Variants in DIAPH3 observed in about 807,000 individuals in gnomAD.
DIAPH3 encodes the protein diaphanous related formin 3, also known as protein diaphanous homolog 3.
In DIAPH3, 117 loss-of-function variants were observed where a neutral mutation model predicts 144.3. That is an observed-to-expected ratio of 0.81 (90% CI 0.70 to 0.95). The LOEUF (loss-of-function observed/expected upper bound fraction) is 0.95. Among genes scored for constraint, DIAPH3 ranks in the 40% least tolerant of loss-of-function variants. The pLI is 0.00. For synonymous variants in DIAPH3, 519 were observed against 488.9 expected, an observed-to-expected ratio of 1.06 and a Z score of -0.81; for missense variants, 1,421 against 1,412.7, an observed-to-expected ratio of 1.01 and a Z score of -0.09.
intron 17 of DIAPH3, among the ~76,000 whole-genome samples, chr13:59,954,690 G>A (rs1027782515): frequency 6.6e-6 from 1 of 152,142 alleles, no homozygotes; most frequent in Non-Finnish European, 1.5e-5. Context: ...TCCATAGGCT[G>A]TAGAGAGGGC....
chr13:60,091,105 C>T (rs754331299), intron 4 of DIAPH3, among the ~76,000 whole-genome samples: 4 of 152,176 alleles, frequency 2.6e-5, no homozygotes, highest in African/African-American at 7.2e-5. Context: ...TGTCGTATCT[C>T]TTATAATAAA....
rs114436561 is a variant in DIAPH3, at chr13:59,712,955, C to G, written c.3320-46109G>C. Among the ~76,000 whole-genome samples the G allele has an allele frequency of 9.7e-4, 148 of 152,238 alleles. 1 individual carries two copies. The highest frequency in any genetic ancestry group is 3.4e-3 in the African/African-American group (142 of 41,540). On this transcript the variant is annotated intron_variant, in intron 27 of 27. Transcript: ENST00000400324. The stretch of plus-strand genomic sequence containing the variant: ...TAGTTAGATTTTCATAAAGAATACA[C>G]AACTATATATCTCGCATGCGCAGTT...
chr13:60,065,910 G>C (rs942081783), intron 4 of DIAPH3, among the ~76,000 whole-genome samples: 1 of 151,992 alleles, frequency 6.6e-6, no homozygotes, highest in East Asian at 1.9e-4. Flanking sequence ...TCATTGTTTT[G>C]GATGATATAT....
In DIAPH3 at chr13:59,666,673, T is replaced by C. The variant is rs2032030308; in HGVS notation, c.3493A>G (p.Lys1165Glu). Reference protein sequence around the residue: ...KEACNVESNRKKETELLGSFS... With the variant: ...KEACNVESNREKETELLGSFS... ...GAGCCAAGAAGTTCCGTTTCCTTTT[T>C]TCTGTTGCTTTCTACATTACACGCT... Residue 1165 changes from lysine to glutamate, a missense_variant, in exon 28 of 28, where the codon AAA becomes GAA. Transcript: ENST00000400324. The C allele has an allele frequency of 2.5e-6, 4 of 1,614,068 alleles. No individual in the cohort carries two copies. The highest frequency in any genetic ancestry group is 3.4e-6 in the Non-Finnish European group (4 of 1,180,042).
chr13:60,154,199 C>T (rs1951922891), intron 1 of DIAPH3, among the ~76,000 whole-genome samples: 1 of 152,122 alleles, frequency 6.6e-6, no homozygotes, highest in Non-Finnish European at 1.5e-5. Context: ...ACTATTATTA[C>T]TGTTACTACT....
At chr13:59,862,008 T>TA (rs765028385) in intron 21 of DIAPH3, among the ~76,000 whole-genome samples, 8 of 152,158 alleles carry the variant, frequency 5.3e-5, no homozygotes, top group Non-Finnish European at 1.0e-4. Context: ...AATAGTATAG[T>TA]AAAAATAATC....
chr13:59,809,564 T>C (rs1397827699), intron 25 of DIAPH3, among the ~76,000 whole-genome samples: 1 of 151,730 alleles, frequency 6.6e-6, no homozygotes, highest in African/African-American at 2.4e-5. Flanking sequence ...GGAAGTAATA[T>C]ATTAATTTAA....
intron 20 of DIAPH3, among the ~76,000 whole-genome samples, chr13:59,899,926 A>G (rs1000113104): frequency 4.6e-5 from 7 of 152,234 alleles, no homozygotes; most frequent in Admixed American, 1.3e-4. Context: ...TATTATTCTG[A>G]TCATGCTGGG....
intron 4 of DIAPH3, among the ~76,000 whole-genome samples, chr13:60,043,497 A>G (rs1308997844): frequency 6.6e-6 from 1 of 152,186 alleles, no homozygotes; most frequent in Non-Finnish European, 1.5e-5. Flanking sequence ...AGACCAAAAC[A>G]TAACACACAC....
chr13:60,015,890 A>T (rs765021263), intron 7 of DIAPH3, 23 bp downstream of exon 7: 3 of 1,590,884 alleles, frequency 1.9e-6, no homozygotes, highest in South Asian at 2.2e-5. Context: ...TGACGGACAA[A>T]TACTAATTAC....
At chr13:59,736,960 T>A (rs552907894) in intron 27 of DIAPH3, among the ~76,000 whole-genome samples, 34 of 152,306 alleles carry the variant, frequency 2.2e-4, no homozygotes, top group Non-Finnish European at 4.7e-4. Flanking sequence ...TGCAGAAAAT[T>A]GAAACTGGAC....
At chr13:59,970,093 T>C (rs764351757) in intron 16 of DIAPH3, 35 bp from the exon 17 acceptor site, 1 of 1,308,436 alleles carries the variant, frequency 7.6e-7, no homozygotes, top group Non-Finnish European at 1.1e-6. Flanking sequence ...CATCAATAGG[T>C]GAGTGTTTCA....
At chr13:60,023,934 C>A (rs1480774293) in intron 5 of DIAPH3, among the ~76,000 whole-genome samples, 1 of 130,358 alleles carries the variant, frequency 7.7e-6, no homozygotes, top group Non-Finnish European at 1.5e-5. Context: ...CAGCTCATTG[C>A]AACCTCCGCC....
At chr13:59,942,132 G>C (rs575857434) in intron 17 of DIAPH3, among the ~76,000 whole-genome samples, 2 of 152,124 alleles carry the variant, frequency 1.3e-5, no homozygotes, top group Admixed American at 1.3e-4. Context: ...TATTCTTCAG[G>C]ATAACCATTA....
At chr13:59,788,984 CCTATT>C (rs2039184626) in intron 25 of DIAPH3, among the ~76,000 whole-genome samples, 1 of 152,162 alleles carries the variant, frequency 6.6e-6, no homozygotes, top group Non-Finnish European at 1.5e-5. Flanking sequence ...TTCACTCTGA[CCTATT>C]CTAAAATTAC....
intron 27 of DIAPH3, among the ~76,000 whole-genome samples, chr13:59,717,059 C>T (rs866144653): frequency 1.3e-5 from 2 of 151,958 alleles, no homozygotes; most frequent in South Asian, 2.1e-4. Context: ...TAGTGTCAAG[C>T]GTGTACATAC....
At chr13:59,683,274 C>T (rs1208999989) in intron 27 of DIAPH3, among the ~76,000 whole-genome samples, 1 of 152,044 alleles carries the variant, frequency 6.6e-6, no homozygotes, top group Non-Finnish European at 1.5e-5. Context: ...TCAAACCTCT[C>T]ATTTTTTTTC....
At chr13:59,918,454 G>A (rs905689403) in intron 18 of DIAPH3, among the ~76,000 whole-genome samples, 39 of 152,088 alleles carry the variant, frequency 2.6e-4, no homozygotes, top group African/African-American at 8.2e-4. Flanking sequence ...TGACTGCAGC[G>A]ACCTTCGTTT....
intron 5 of DIAPH3, among the ~76,000 whole-genome samples, chr13:60,020,406 C>T (rs935776575): frequency 1.3e-5 from 2 of 152,168 alleles, no homozygotes; most frequent in African/African-American, 2.4e-5. Flanking sequence ...CTTACTCTGT[C>T]GCCCAGGCTG....
Sources: gnomAD v4.1 joint callset for allele counts (sites outside exome capture counted in the v4.1 genomes callset) on GRCh38, gnomAD v4.1.1 for gene constraint, MANE v1.5 for transcripts, NCBI Gene and HGNC (gene_info 2026-07-23, HGNC 2026-07-21) for gene names.